The following SETX variants were observed in gnomAD, a reference collection of about 807,000 sequenced individuals.
SETX encodes senataxin.
A neutral mutation model predicts 227.2 loss-of-function variants in SETX; 90 were observed. That is an observed-to-expected ratio of 0.40 (90% CI 0.33 to 0.47). The LOEUF is 0.47. SETX is among the 20% of genes least tolerant of loss of function. The probability of loss-of-function intolerance (pLI) is 0.91; values close to 1 mark genes in which losing one functional copy is unlikely to be tolerated. For synonymous variants in SETX, 1,210 were observed against 1,113.2 expected (o/e 1.09, Z -1.73); for missense variants, 3,052 against 3,181.5 (o/e 0.96, Z 0.98).
rs1270988365 is a variant in SETX, at chr9:132,275,385, A to T, written c.6971T>A (p.Met2324Lys). 6.2e-7 allele frequency: 1 copy of T among 1,605,678 alleles called. No homozygotes were observed. The highest frequency in any genetic ancestry group is 8.5e-7 in the Non-Finnish European group (1 of 1,172,776). The change falls in exon 23 of 26, where the codon ATG becomes AAG. Residue 2324 changes from methionine (M) to lysine (K), a missense_variant. Physicochemically the swap from Met to Lys is moderately conservative, Grantham distance 95 (BLOSUM62 -1). Around this residue, in one of 10 missense-constraint regions of SETX, gnomAD observed 412 missense variants for 589.0 expected, o/e 0.70. Coordinates refer to ENST00000224140, the MANE Select transcript of SETX (RefSeq NM_015046.7). ...GTCTTTAATAAGCTTAATTATTTCCATCACCAGTTTTATTTCTTGAACATT... is the reference window on the plus strand; with the variant it reads ...GTCTTTAATAAGCTTAATTATTTCCTTCACCAGTTTTATTTCTTGAACATT... ...YINVQEIKLV[M>K]EIIKLIKDKR...
intron 7 of SETX, among the ~76,000 whole-genome samples, chr9:132,333,718 T>C (rs1270648949): frequency 6.6e-6 from 1 of 152,086 alleles, no homozygotes; most frequent in Non-Finnish European, 1.5e-5. Flanking sequence ...ATAATAAACA[T>C]GACTACAAGT....
At chr9:132,350,568 C>A (rs1478697249) in intron 2 of SETX, among the ~76,000 whole-genome samples, 3 of 152,076 alleles carry the variant, frequency 2.0e-5, no homozygotes, top group Non-Finnish European at 4.4e-5. Context: ...TTTTAAAATT[C>A]TTTAATTTCT....
Position 132,329,403 on chromosome 9 carries a change from G to C in SETX, c.2195C>G (p.Pro732Arg), listed in dbSNP as rs1206915728. 1.9e-6 allele frequency: 3 copies of C among 1,613,664 alleles called. No homozygotes were observed. The highest frequency in any genetic ancestry group is 2.5e-6 in the Non-Finnish European group (3 of 1,179,958). ...TATTCCTCTGTCACATCCCCTTTCTGGACCATTTCTTGAAGTACAGTCCTT... is the reference window on the plus strand; with the variant it reads ...TATTCCTCTGTCACATCCCCTTTCTCGACCATTTCTTGAAGTACAGTCCTT... ...TPKDCTSRNG[P>R]ERGCDRGIIV... The change falls in exon 10 of 26, where the codon CCA (proline) becomes CGA (arginine). Residue 732 changes from proline (P) to arginine (R), a missense_variant. By Grantham distance (103) the Pro-to-Arg change is moderately radical. Transcript: ENST00000224140.
At chr9:132,322,933 G>T (rs988100415) in intron 10 of SETX, among the ~76,000 whole-genome samples, 2 of 151,948 alleles carry the variant, frequency 1.3e-5, no homozygotes, top group Non-Finnish European at 1.5e-5. Flanking sequence ...CTAAAAATAC[G>T]CTAAAAAGGA....
At chr9:132,306,266 G>A (rs540719284) in intron 11 of SETX, among the ~76,000 whole-genome samples, 1 of 152,290 alleles carries the variant, frequency 6.6e-6, no homozygotes, top group South Asian at 2.1e-4. Context: ...AGGATGGAGT[G>A]CAATGGCGCA....
chr9:132,266,274 T>C (rs969452637), intron 25 of SETX: 2 of 152,366 alleles, frequency 1.3e-5, no homozygotes, highest in Admixed American at 6.5e-5. Context: ...TAATATTTTA[T>C]TTAATGGATT....
intron 10 of SETX, among the ~76,000 whole-genome samples, chr9:132,323,514 T>C (rs1221696810): frequency 1.3e-5 from 2 of 151,612 alleles, no homozygotes; most frequent in Admixed American, 6.6e-5. Flanking sequence ...TGTGCAAGGG[T>C]TGGGCTGGAA....
intron 22 of SETX, among the ~76,000 whole-genome samples, chr9:132,276,801 GACC>G (rs1040982580): frequency 1.6e-4 from 24 of 152,142 alleles, no homozygotes; most frequent in African/African-American, 5.8e-4. Flanking sequence ...CTTCCCATGA[GACC>G]ACCATCTTGC....
At chr9:132,342,385 G>A (rs1388093621) in intron 5 of SETX, among the ~76,000 whole-genome samples, 1 of 152,116 alleles carries the variant, frequency 6.6e-6, no homozygotes, top group Admixed American at 6.6e-5. Context: ...TCTGCAGTGG[G>A]TCAAGCAGGT....
intron 2 of SETX, among the ~76,000 whole-genome samples, chr9:132,349,777 G>A (rs192518808): frequency 1.3e-4 from 20 of 152,288 alleles, no homozygotes; most frequent in African/African-American, 3.8e-4. Context: ...ACAGATTTTG[G>A]AATGGGGAAA....
intron 4 of SETX, among the ~76,000 whole-genome samples, chr9:132,343,608 A>G (rs1396696342): frequency 2.0e-5 from 3 of 152,164 alleles, no homozygotes; most frequent in African/African-American, 7.2e-5. Context: ...TTTTCATATT[A>G]CATTTTCAAT....
At chr9:132,342,254 T>G (rs1812655010) in intron 5 of SETX, among the ~76,000 whole-genome samples, 1 of 152,216 alleles carries the variant, frequency 6.6e-6, no homozygotes, top group African/African-American at 2.4e-5. Flanking sequence ...CTGTTCTGGA[T>G]TTTGTCCTTC....
intron 20 of SETX, among the ~76,000 whole-genome samples, chr9:132,281,101 T>G (rs1843475307): frequency 6.6e-6 from 1 of 152,230 alleles, no homozygotes; most frequent in Non-Finnish European, 1.5e-5. Flanking sequence ...TCTGAAGTTT[T>G]TCTTTTATTA....
intron 18 of SETX, among the ~76,000 whole-genome samples, chr9:132,283,664 C>T (rs1843667893): frequency 6.6e-6 from 1 of 152,070 alleles, no homozygotes; most frequent in Non-Finnish European, 1.5e-5. Context: ...AATTTTTATC[C>T]AGGGTTTGAT....
intron 10 of SETX, among the ~76,000 whole-genome samples, chr9:132,322,837 A>T (rs1564531631): frequency 5.3e-5 from 1 of 18,908 alleles, no homozygotes; most frequent in Non-Finnish European, 8.7e-5. Flanking sequence ...GCTAACTTTA[A>T]AATTATCATA....
chr9:132,292,072 C>T (rs2131265686), intron 15 of SETX, among the ~76,000 whole-genome samples: 1 of 151,994 alleles, frequency 6.6e-6, no homozygotes, highest in East Asian at 1.9e-4. Flanking sequence ...TTCTGGCTTA[C>T]AAAAAATAAA....
chr9:132,338,599 T>C (rs1045544870), intron 5 of SETX, among the ~76,000 whole-genome samples: 15 of 152,134 alleles, frequency 9.9e-5, no homozygotes, highest in African/African-American at 3.4e-4. Flanking sequence ...AAAAATAAAA[T>C]GGTATATCAT....
At chr9:132,300,316 T>C (rs1425235028) in intron 12 of SETX, among the ~76,000 whole-genome samples, 1 of 152,106 alleles carries the variant, frequency 6.6e-6, no homozygotes, top group Non-Finnish European at 1.5e-5. Flanking sequence ...TCATTAGTAA[T>C]TGGCCACAAA....
Position 132,336,316 on chromosome 9 carries a change from T to C in SETX, c.698A>G (p.Asn233Ser). The C allele has an allele frequency of 6.2e-7, 1 of 1,613,100 alleles. No homozygotes were observed. Among genetic ancestry groups the C allele is most frequent in the Non-Finnish European group, 8.5e-7 (1 of 1,179,038 alleles). ...CTCACCTAACCAATAGCTTTTGTAG[T>C]TGGTAGTATCATACATGTGTGAGGG... ...LLPSHMYDTT[N>S]YKSYWLGICM... Residue 233 changes from asparagine (N) to serine (S), a missense_variant, in exon 6 of 26, where the codon AAC becomes AGC. Transcript: ENST00000224140.
Sources: gnomAD v4.1 joint callset for allele counts (sites outside exome capture counted in the v4.1 genomes callset) on GRCh38, gnomAD v4.1.1 for gene constraint, gnomAD v4.1.1 regional missense constraint, MANE v1.5 for transcripts, NCBI Gene and HGNC (gene_info 2026-07-23, HGNC 2026-07-21) for gene names.